SNED1: variants seen among roughly 807,000 people sequenced by gnomAD.
SNED1 encodes the protein sushi, nidogen and EGF like domains 1.
A neutral mutation model predicts 166.7 loss-of-function variants in SNED1; 81 were observed. That is an observed-to-expected ratio of 0.49 (90% CI 0.41 to 0.58). SNED1 has a LOEUF of 0.58. SNED1 is among the 20% of genes least tolerant of loss of function. The probability of loss-of-function intolerance (pLI) is 0.00; values close to 1 mark genes in which losing one functional copy is unlikely to be tolerated. For missense variants in SNED1, 1,604 were observed against 2,000.2 expected, an observed-to-expected ratio of 0.80 and a Z score of 3.78; for synonymous variants, 762 against 822.0, an observed-to-expected ratio of 0.93 and a Z score of 1.25.
intron 1 of SNED1, chr2:241,010,125 G>T (rs968116767): frequency 6.6e-6 from 1 of 152,238 alleles, no homozygotes; most frequent in Admixed American, 6.5e-5. Context: ...GCAGGGAACC[G>T]CAGAGCCGCC....
intron 5 of SNED1, 23 bp downstream of exon 5, chr2:241,036,938 G>T: frequency 6.3e-7 from 1 of 1,598,908 alleles, no homozygotes; most frequent in South Asian, 1.1e-5. Context: ...CCCAGGGCGG[G>T]ACCACCCGCT....
chr2:241,030,930 C>T (rs761097240), intron 2 of SNED1, among the ~76,000 whole-genome samples: 2 of 152,196 alleles, frequency 1.3e-5, no homozygotes, highest in Non-Finnish European at 1.5e-5. Context: ...ATGACAGAAA[C>T]ATTGACTCAA....
At chr2:241,067,285 G>A (rs1408138637) in intron 21 of SNED1, among the ~76,000 whole-genome samples, 1 of 152,232 alleles carries the variant, frequency 6.6e-6, no homozygotes, top group African/African-American at 2.4e-5. Flanking sequence ...TGGCTGGGCG[G>A]GAAGCGGAGC....
At chr2:241,006,300 C>T (rs1040613780) in intron 1 of SNED1, among the ~76,000 whole-genome samples, 2 of 152,182 alleles carry the variant, frequency 1.3e-5, no homozygotes, top group African/African-American at 4.8e-5. Flanking sequence ...TCTATCCTAG[C>T]ATATTTTTCA....
chr2:241,059,862 A>G (rs1471778103), intron 16 of SNED1, among the ~76,000 whole-genome samples: 1 of 152,250 alleles, frequency 6.6e-6, no homozygotes, highest in Non-Finnish European at 1.5e-5. Context: ...CAAGGTGTCC[A>G]TTCAGTACGT....
chr2:241,072,046 C>T (rs567575081), intron 26 of SNED1, 168 bp downstream of exon 26: 6 of 717,850 alleles, frequency 8.4e-6, no homozygotes, highest in Admixed American at 4.0e-5. Context: ...CGTGGGCCGC[C>T]GGCAGCATGC....
chr2:241,063,592 G>A lies in SNED1; in HGVS notation c.2377G>A (p.Asp793Asn). 1 of 1,605,272 alleles carries A rather than the reference G, an allele frequency of 6.2e-7. No individual in the cohort carries two copies. Among genetic ancestry groups the A allele is most frequent in the Non-Finnish European group, 8.5e-7 (1 of 1,175,510 alleles). ...GACACCCCTTCTCTGTGCAGAGAGGGATGAGTGCCGAGCTCACCCGTGCAG... is the reference window on the plus strand; with the variant it reads ...GACACCCCTTCTCTGTGCAGAGAGGAATGAGTGCCGAGCTCACCCGTGCAG... Reference protein sequence around the residue: ...YEGAHCELERDECRAHPCRNG... With the variant: ...YEGAHCELERNECRAHPCRNG... Residue 793 changes from aspartate to asparagine, a missense_variant, in exon 18 of 32, where the codon GAT (aspartate) becomes AAT (asparagine). Physicochemically the swap from Asp to Asn is conservative, Grantham distance 23. Transcript: ENST00000310397.
rs143571970 is a variant in SNED1, at chr2:241,016,613, T to G, written c.214-13671T>G. Reference sequence around the variant, plus strand: ...GAGTTGTCCATTCATGTACTGTCTTTGTTAAATTTTAGTATCCAGGTTATG... The same window carrying G: ...GAGTTGTCCATTCATGTACTGTCTTGGTTAAATTTTAGTATCCAGGTTATG... On this transcript the variant is annotated intron_variant, in intron 1 of 31. Transcript: ENST00000310397. Among the ~76,000 whole-genome samples the G allele has an allele frequency of 4.4e-4, 67 of 152,338 alleles. 1 individual carries two copies. Among genetic ancestry groups the G allele is most frequent in the African/African-American group, 1.4e-3 (60 of 41,578 alleles).
At chr2:241,083,652 G>A (rs984655565) in intron 29 of SNED1, among the ~76,000 whole-genome samples, 1 of 152,124 alleles carries the variant, frequency 6.6e-6, no homozygotes, top group African/African-American at 2.4e-5. Flanking sequence ...CCATCTTCCC[G>A]CTGTGCTTAG....
In SNED1 at chr2:241,064,277, G is replaced by C. The variant is rs913731848; in HGVS notation, c.2599+152G>C. Among the ~76,000 whole-genome samples the C allele has an allele frequency of 6.6e-6, 1 of 151,384 alleles. No homozygotes were observed. The highest frequency in any genetic ancestry group is 1.5e-5 in the Non-Finnish European group (1 of 67,854). The stretch of plus-strand genomic sequence containing the variant: ...GCCGCCTTGGAAGTCCCCTTCTCAG[G>C]CCAGTGGCCCTCCGCCTGTCTCCCT... On this transcript the variant is annotated intron_variant, in intron 19 of 31. Transcript: ENST00000310397. The surrounding 1 kb of genome is among the most constrained non-coding windows in gnomAD (Gnocchi z 7.0).
At chr2:241,055,084 TC>T (rs2062002835) in intron 16 of SNED1, among the ~76,000 whole-genome samples, 1 of 151,504 alleles carries the variant, frequency 6.6e-6, no homozygotes, top group African/African-American at 2.4e-5. Flanking sequence ...GCCACTGAAC[TC>T]CTACTTGGGT....
rs868130297 is a variant in SNED1 at position 241,095,070 on chromosome 2, C to G, written c.*3434C>G. Reference sequence around the variant, plus strand: ...TCCCTAAGGTGACACGCCCCCCCCCCCCCCCACACCCACCTTGGGGGGTCA... The same window carrying G: ...TCCCTAAGGTGACACGCCCCCCCCCGCCCCCACACCCACCTTGGGGGGTCA... On this transcript the variant is annotated 3_prime_UTR_variant, in exon 32 of 32. Transcript: ENST00000310397. 2 of 144,210 alleles carry G rather than the reference C, an allele frequency of 1.4e-5. No individual in the cohort carries two copies. The highest frequency in any genetic ancestry group is 6.8e-5 in the Admixed American group (1 of 14,738). The allele number at this position is 144,210 out of a possible 1,614,324, so 8.9% of individuals were successfully genotyped here. A position where few individuals can be genotyped will look rare whatever the true frequency, so the allele number is the denominator to read the frequency against.
intron 21 of SNED1, among the ~76,000 whole-genome samples, chr2:241,067,399 T>C (rs2062501789): frequency 6.6e-6 from 1 of 152,144 alleles, no homozygotes; most frequent in Non-Finnish European, 1.5e-5. Flanking sequence ...TAGACCAAAA[T>C]AGTCAACTGG....
chr2:240,998,829 A>G lies in SNED1; in HGVS notation c.-9A>G. The G allele has an allele frequency of 8.4e-7, 1 of 1,190,602 alleles. No homozygotes were observed. The highest frequency in any genetic ancestry group is 1.0e-6 in the Non-Finnish European group (1 of 962,250). The allele number at this position is 1,190,602 out of a possible 1,614,324, so 73.8% of individuals were successfully genotyped here. ...CGCCAGCGCCCCGTCCCGCCCGCAC[A>G]CCTCCGCGATGCGGCACGGCGTCGC... is the stretch of plus-strand genomic sequence containing the variant. On this transcript the variant is annotated 5_prime_UTR_variant, in exon 1 of 32. Transcript: ENST00000310397.
In SNED1 at chr2:241,018,643, G is replaced by A. The variant is rs1043615654; in HGVS notation, c.214-11641G>A. Among the ~76,000 whole-genome samples the A allele has an allele frequency of 2.6e-5, 4 of 152,168 alleles. No homozygotes were observed. The highest frequency in any genetic ancestry group is 9.7e-5 in the African/African-American group (4 of 41,448). ...CTGTCACAGGGCGGTGCAGGCACAA[G>A]GCCAGCAGGAGCACCCGTGTGAGAG... On this transcript the variant is annotated intron_variant, in intron 1 of 31. Transcript: ENST00000310397. This position sits in a 1 kb window ranked among gnomAD's most constrained non-coding sequence, Gnocchi z 5.4.
At chr2:241,043,590 A>C (rs1253969833) in intron 8 of SNED1, among the ~76,000 whole-genome samples, 1 of 152,222 alleles carries the variant, frequency 6.6e-6, no homozygotes, top group Non-Finnish European at 1.5e-5. Flanking sequence ...GAAGAGTGTT[A>C]AAAATGATAA....
chr2:241,019,990 T>A (rs1295792390), intron 1 of SNED1, among the ~76,000 whole-genome samples: 1 of 152,164 alleles, frequency 6.6e-6, no homozygotes, highest in African/African-American at 2.4e-5. Flanking sequence ...AAACCCTGTT[T>A]CTGAAACCAG....
intron 16 of SNED1, among the ~76,000 whole-genome samples, chr2:241,060,519 A>G (rs753228930): frequency 6.6e-6 from 1 of 152,230 alleles, no homozygotes; most frequent in African/African-American, 2.4e-5. Flanking sequence ...ATACAAAAGC[A>G]TATGAGAAAA....
At position 241,069,102 on chromosome 2, in the gene SNED1, C is replaced by T. The variant is rs2062592282; in HGVS notation, c.3307+79C>T. ...TGGCTTCCTTCCAGCCTCCCCTAGTCCTCTCCAAAGCGTCCACAACACCAG... is the reference window on the plus strand; with the variant it reads ...TGGCTTCCTTCCAGCCTCCCCTAGTTCTCTCCAAAGCGTCCACAACACCAG... On this transcript the variant is annotated intron_variant, in intron 23 of 31. Transcript: ENST00000310397. The surrounding 1 kb of genome is among the most constrained non-coding windows in gnomAD (Gnocchi z 4.9). 2 of 988,074 alleles carry T rather than the reference C, an allele frequency of 2.0e-6. No homozygotes were observed. The highest frequency in any genetic ancestry group is 4.8e-5 in the Admixed American group (2 of 41,802). 61.2% of individuals were successfully genotyped at this position (988,074 alleles called of 1,614,324 possible). A position where few individuals can be genotyped will look rare whatever the true frequency, so the allele number is the denominator to read the frequency against.
Sources: allele counts gnomAD v4.1 joint callset (sites outside exome capture counted in the v4.1 genomes callset), GRCh38; gene constraint gnomAD v4.1.1; non-coding constraint Gnocchi (gnomAD v3.1); transcripts MANE v1.5; gene names NCBI Gene and HGNC (gene_info 2026-07-23, HGNC 2026-07-21).